The following ZC3H12C variants were observed in gnomAD, a reference collection of about 807,000 sequenced individuals.
ZC3H12C encodes probable ribonuclease ZC3H12C.
Under a neutral mutation model 76.3 loss-of-function variants are expected in ZC3H12C, and 20 were observed. That is an observed-to-expected ratio of 0.26 (90% confidence interval 0.18 to 0.38). The LOEUF is 0.38. Among genes scored for constraint, ZC3H12C ranks in the 10% least tolerant of loss-of-function variants. The probability of loss-of-function intolerance (pLI) is 1.00; values close to 1 mark genes in which losing one functional copy is unlikely to be tolerated. For missense variants in ZC3H12C, 874 were observed against 1,086.5 expected (o/e 0.80, Z 2.75); for synonymous variants, 352 against 399.6 (o/e 0.88, Z 1.42).
chr11:110,102,247 G>T (rs1861230434), intron 1 of ZC3H12C, among the ~76,000 whole-genome samples: 1 of 148,442 alleles, frequency 6.7e-6, no homozygotes, highest in African/African-American at 2.5e-5. Flanking sequence ...TTCTGGAAAG[G>T]ATTTACCATA....
chr11:110,118,512 A>G (rs1861601189), intron 1 of ZC3H12C, among the ~76,000 whole-genome samples: 1 of 152,214 alleles, frequency 6.6e-6, no homozygotes, highest in African/African-American at 2.4e-5. Flanking sequence ...ATTAAGAAAT[A>G]CAAGCCGGGC....
chr11:110,132,941 A>G (rs901872180), intron 1 of ZC3H12C, among the ~76,000 whole-genome samples: 1 of 152,302 alleles, frequency 6.6e-6, no homozygotes, highest in East Asian at 1.9e-4. Context: ...TTTAAAAGTT[A>G]TATTAATCAT....
At chr11:110,141,930 G>A (rs1413930738) in intron 2 of ZC3H12C, among the ~76,000 whole-genome samples, 1 of 152,032 alleles carries the variant, frequency 6.6e-6, no homozygotes, top group East Asian at 1.9e-4. Flanking sequence ...CTATATATGT[G>A]ACTCACATTA....
Position 110,137,287 on chromosome 11 carries a change from A to C in ZC3H12C, c.646A>C (p.Asn216His). The C allele has an allele frequency of 6.2e-7, 1 of 1,613,982 alleles. No homozygotes were observed. The highest frequency in any genetic ancestry group is 8.5e-7 in the Non-Finnish European group (1 of 1,179,886). The change falls in exon 2 of 6, where the codon AAC becomes CAC. Residue 216 changes from asparagine to histidine, a missense_variant. Physicochemically the swap from Asn to His is moderately conservative, Grantham distance 68. Coordinates refer to ENST00000278590, the MANE Select transcript of ZC3H12C (RefSeq NM_033390.2). ...GGCTGATCAAACGGTTAGTACAATT[A>C]ACACTATAACACGGGAAACTTCTTC... Reference protein sequence around the residue: ...SEADQTVSTINTITRETSSLE... With the variant: ...SEADQTVSTIHTITRETSSLE...
intron 1 of ZC3H12C, among the ~76,000 whole-genome samples, chr11:110,094,821 A>G (rs1476667797): frequency 2.0e-5 from 3 of 152,232 alleles, no homozygotes; most frequent in Non-Finnish European, 4.4e-5. Flanking sequence ...GGATGGTACC[A>G]TAAAAATAGA....
At chr11:110,134,764 A>G (rs1481142080) in intron 1 of ZC3H12C, among the ~76,000 whole-genome samples, 1 of 152,166 alleles carries the variant, frequency 6.6e-6, no homozygotes, top group African/African-American at 2.4e-5. Context: ...TGAATCCTGT[A>G]TTAGTAGAAC....
chr11:110,110,829 T>C (rs1185952895), intron 1 of ZC3H12C, among the ~76,000 whole-genome samples: 1 of 152,232 alleles, frequency 6.6e-6, no homozygotes, highest in Non-Finnish European at 1.5e-5. Flanking sequence ...ATTTGGATTC[T>C]ACAAATTAGA....
intron 1 of ZC3H12C, among the ~76,000 whole-genome samples, chr11:110,132,345 TG>T (rs1174139469): frequency 6.6e-6 from 1 of 152,202 alleles, no homozygotes; most frequent in African/African-American, 2.4e-5. Flanking sequence ...AAATTTCTAG[TG>T]AATAGCCATT....
chr11:110,103,711 C>T lies in ZC3H12C; in HGVS notation c.21+10279C>T, dbSNP rs370313236. Reference sequence around the variant, plus strand: ...AGCTCCGCCTCTCGGGTTCATGCCACTCTCCTGACTCAGCCTCCCCAGTAG... The same window carrying T: ...AGCTCCGCCTCTCGGGTTCATGCCATTCTCCTGACTCAGCCTCCCCAGTAG... On this transcript the variant is annotated intron_variant, in intron 1 of 5. Transcript: ENST00000278590. 6.6e-5 allele frequency among the ~76,000 whole-genome samples: 10 copies of T among 151,710 alleles called. No homozygotes were observed. In the East Asian group the frequency reaches 7.8e-4, roughly 12 times the overall value.
In ZC3H12C at chr11:110,168,384, A is replaced by C. The variant is rs1027376479; in HGVS notation, c.*2647A>C. On this transcript the variant is annotated 3_prime_UTR_variant, in exon 6 of 6. Coordinates refer to ENST00000278590, the MANE Select transcript of ZC3H12C (RefSeq NM_033390.2). ...TAGAATGAGATAATTGGCAGACTTT[A>C]GGTACAGCAAATTCTTACTTATCTA... is the stretch of plus-strand genomic sequence containing the variant. 3.9e-5 allele frequency: 6 copies of C among 152,178 alleles called. No individual in the cohort carries two copies. The highest frequency in any genetic ancestry group is 1.2e-4 in the African/African-American group (5 of 41,450). The allele number at this position is 152,178 out of a possible 1,614,324, so 9.4% of individuals were successfully genotyped here.
chr11:110,133,842 GTGAT>G (rs1861908599), intron 1 of ZC3H12C, among the ~76,000 whole-genome samples: 1 of 152,104 alleles, frequency 6.6e-6, no homozygotes, highest in South Asian at 2.1e-4. Flanking sequence ...ACCTTTTAAA[GTGAT>G]TGATTTTCAG....
intron 1 of ZC3H12C, among the ~76,000 whole-genome samples, chr11:110,127,312 C>T (rs1861767136): frequency 6.6e-6 from 1 of 152,174 alleles, no homozygotes; most frequent in South Asian, 2.1e-4. Flanking sequence ...TAACACTTTT[C>T]AAATAGCACT....
intron 1 of ZC3H12C, among the ~76,000 whole-genome samples, chr11:110,126,008 C>T (rs1443841444): frequency 6.6e-6 from 1 of 152,122 alleles, no homozygotes; most frequent in Admixed American, 6.5e-5. Context: ...AGAGCTCCTT[C>T]GTGTTCTTCC....
At chr11:110,151,023 G>C (rs1180299560) in intron 2 of ZC3H12C, among the ~76,000 whole-genome samples, 1 of 152,066 alleles carries the variant, frequency 6.6e-6, no homozygotes, top group Non-Finnish European at 1.5e-5. Flanking sequence ...TTTTCAACAA[G>C]ATGGAGATAT....
intron 1 of ZC3H12C, among the ~76,000 whole-genome samples, chr11:110,103,055 C>T (rs1040959406): frequency 4.6e-5 from 7 of 152,188 alleles, no homozygotes; most frequent in Non-Finnish European, 1.0e-4. Flanking sequence ...ATTCACTTTA[C>T]TATTACATTC....
chr11:110,115,774 T>C (rs1282288845), intron 1 of ZC3H12C, among the ~76,000 whole-genome samples: 2 of 146,610 alleles, frequency 1.4e-5, no homozygotes, highest in African/African-American at 2.5e-5. Context: ...TTTTCTTTTT[T>C]GAGATGGAGT....
chr11:110,159,932 T>C (rs1268007540), intron 4 of ZC3H12C, among the ~76,000 whole-genome samples: 1 of 152,252 alleles, frequency 6.6e-6, no homozygotes, highest in Non-Finnish European at 1.5e-5. Context: ...ATGAACATCA[T>C]AGAGTGTACT....
At chr11:110,115,035 A>G (rs928203969) in intron 1 of ZC3H12C, among the ~76,000 whole-genome samples, 1 of 152,068 alleles carries the variant, frequency 6.6e-6, no homozygotes, top group Non-Finnish European at 1.5e-5. Context: ...TTTTATAATA[A>G]TTTTTCACTA....
At chr11:110,123,045 T>C (rs1179797215) in intron 1 of ZC3H12C, among the ~76,000 whole-genome samples, 1 of 152,224 alleles carries the variant, frequency 6.6e-6, no homozygotes, top group African/African-American at 2.4e-5. Flanking sequence ...AAAAATGTAT[T>C]AATTTATTGT....
Sources: allele counts gnomAD v4.1 joint callset (sites outside exome capture counted in the v4.1 genomes callset), GRCh38; gene constraint gnomAD v4.1.1; transcripts MANE v1.5; gene names NCBI Gene and HGNC (gene_info 2026-07-23, HGNC 2026-07-21).